LDLRAD3: variants seen among roughly 807,000 people sequenced by gnomAD.
The protein encoded by LDLRAD3 is low density lipoprotein receptor class A domain containing 3, also known as low-density lipoprotein receptor class A domain-containing protein 3.
LDLRAD3 carries 20 observed loss-of-function variants against 29.4 expected under a neutral mutation model. The observed-to-expected ratio is 0.68, with a 90% CI of 0.48 to 0.99. LDLRAD3 has a LOEUF of 0.99. Among genes scored for constraint, LDLRAD3 ranks in the 50% least tolerant of loss-of-function variants. The pLI, the probability that LDLRAD3 is intolerant of heterozygous loss-of-function variation, is 0.00. For synonymous variants in LDLRAD3, 157 were observed against 192.7 expected, an observed-to-expected ratio of 0.81 and a Z score of 1.53; for missense variants, 420 against 454.3, an observed-to-expected ratio of 0.92 and a Z score of 0.69.
At chr11:36,202,087 T>C (rs4755442) in intron 4 of LDLRAD3, among the ~76,000 whole-genome samples, 121,900 of 149,036 alleles carry the variant, frequency 0.82, 50,259 homozygotes, top group East Asian at 0.97. Flanking sequence ...TCTTCTCGCC[T>C]AGGCTGTAGT....
In LDLRAD3 at chr11:36,118,496, A is replaced by AGT. The variant is rs879322720; in HGVS notation, c.454+20051_454+20052dup. ...AAACAGAAGTGAGAAAGTAAGAGTG[A>AGT]GTGTGTGTGTGTGTGTGAGAGAGAG... On this transcript the variant is annotated intron_variant, in intron 4 of 5. Coordinates refer to ENST00000315571, the MANE Select transcript of LDLRAD3 (RefSeq NM_174902.4). Among the ~76,000 whole-genome samples the AGT allele has an allele frequency of 3.4e-3, 383 of 114,062 alleles. 3 individuals carry two copies. The highest frequency in any genetic ancestry group is 0.019 in the South Asian group (61 of 3,182). 74.8% of individuals were successfully genotyped at this position (114,062 alleles called of 152,430 possible).
intron 1 of LDLRAD3, among the ~76,000 whole-genome samples, chr11:35,964,178 A>G (rs1565127987): frequency 6.6e-6 from 1 of 152,194 alleles, no homozygotes; most frequent in Admixed American, 6.5e-5. Flanking sequence ...TCTACTAGGA[A>G]CACTCCTACT....
chr11:36,084,390 G>A (rs1219983525), intron 3 of LDLRAD3, among the ~76,000 whole-genome samples: 1 of 152,118 alleles, frequency 6.6e-6, no homozygotes, highest in Non-Finnish European at 1.5e-5. Flanking sequence ...AGTGTGAGGT[G>A]GGAGGATTAC....
chr11:36,068,759 A>G (rs1032613488), intron 2 of LDLRAD3, among the ~76,000 whole-genome samples: 1 of 152,058 alleles, frequency 6.6e-6, no homozygotes, highest in Non-Finnish European at 1.5e-5. Flanking sequence ...CTCGTGATCC[A>G]CCCACCTCAG....
Position 36,191,597 on chromosome 11 carries a change from TATAC to T in LDLRAD3, c.455-35486_455-35483del, listed in dbSNP as rs1248684512. ...CTCTCTATATATATATATATATATATATACACACACACACACACACACACACGCA... is the reference window on the plus strand; with the variant it reads ...CTCTCTATATATATATATATATATATACACACACACACACACACACACGCA... On this transcript the variant is annotated intron_variant, in intron 4 of 5. Transcript: ENST00000315571. 1.0e-3 allele frequency among the ~76,000 whole-genome samples: 103 copies of T among 101,324 alleles called. 2 individuals carry two copies. The highest frequency in any genetic ancestry group is 1.8e-3 in the South Asian group (5 of 2,764). 66.5% of individuals were successfully genotyped at this position (101,324 alleles called of 152,430 possible). A position where few individuals can be genotyped will look rare whatever the true frequency, so the allele number is the denominator to read the frequency against.
intron 4 of LDLRAD3, among the ~76,000 whole-genome samples, chr11:36,133,542 CTTTTCTT>C (rs1853959294): frequency 8.1e-6 from 1 of 122,800 alleles, no homozygotes; most frequent in Non-Finnish European, 1.7e-5. Flanking sequence ...TTTTCTTTTT[CTTTTCTT>C]TTTTTTTTTT....
At chr11:36,070,540 C>T (rs1218526060) in intron 2 of LDLRAD3, among the ~76,000 whole-genome samples, 2 of 152,168 alleles carry the variant, frequency 1.3e-5, no homozygotes, top group Admixed American at 1.3e-4. Context: ...GTAGGTCCCT[C>T]ATTGGCTGTG....
intron 1 of LDLRAD3, among the ~76,000 whole-genome samples, chr11:35,975,595 G>A (rs921788227): frequency 7.2e-5 from 11 of 152,132 alleles, no homozygotes; most frequent in Admixed American, 2.0e-4. Context: ...TGACCTGTAG[G>A]GGGTAGAGAA....
intron 4 of LDLRAD3, among the ~76,000 whole-genome samples, chr11:36,129,429 G>T (rs1853891810): frequency 6.6e-6 from 1 of 152,134 alleles, no homozygotes; most frequent in Non-Finnish European, 1.5e-5. Context: ...CAACCTAGAA[G>T]GCCAATATGA....
chr11:35,962,218 G>A (rs1204137589), intron 1 of LDLRAD3, among the ~76,000 whole-genome samples: 4 of 151,802 alleles, frequency 2.6e-5, no homozygotes, highest in Non-Finnish European at 4.4e-5. Flanking sequence ...AAATCCTCAC[G>A]TTTTTGGAGT....
intron 1 of LDLRAD3, among the ~76,000 whole-genome samples, chr11:35,946,490 G>A (rs1224387917): frequency 6.6e-6 from 1 of 152,150 alleles, no homozygotes; most frequent in East Asian, 1.9e-4. Context: ...ATTTGTGTTA[G>A]GGAAGTGAAG....
At chr11:36,179,385 A>T (rs1320862361) in intron 4 of LDLRAD3, among the ~76,000 whole-genome samples, 1 of 151,992 alleles carries the variant, frequency 6.6e-6, no homozygotes, top group African/African-American at 2.4e-5. Context: ...GAGGTAGGAG[A>T]ATCACTTGAA....
At chr11:36,176,607 A>C (rs770952645) in intron 4 of LDLRAD3, among the ~76,000 whole-genome samples, 18 of 152,186 alleles carry the variant, frequency 1.2e-4, no homozygotes, top group Admixed American at 2.0e-4. Context: ...TTCTTGGCTG[A>C]TAATTGTTTT....
At chr11:36,017,463 C>T (rs1433988347) in intron 1 of LDLRAD3, among the ~76,000 whole-genome samples, 1 of 152,034 alleles carries the variant, frequency 6.6e-6, no homozygotes, top group East Asian at 1.9e-4. Context: ...GGACTACTTT[C>T]ACCTCTTGGT....
intron 2 of LDLRAD3, among the ~76,000 whole-genome samples, chr11:36,059,390 C>T (rs929385826): frequency 1.3e-5 from 2 of 151,430 alleles, no homozygotes; most frequent in Non-Finnish European, 2.9e-5. Flanking sequence ...GGTCACTCCC[C>T]TGTAATGACT....
intron 4 of LDLRAD3, among the ~76,000 whole-genome samples, chr11:36,113,267 T>G (rs777557425): frequency 2.0e-5 from 3 of 152,046 alleles, no homozygotes; most frequent in Non-Finnish European, 2.9e-5. Context: ...GGTTATGGCT[T>G]AATAAGTGCC....
chr11:35,950,511 G>A (rs1036825989), intron 1 of LDLRAD3, among the ~76,000 whole-genome samples: 7 of 152,152 alleles, frequency 4.6e-5, no homozygotes, highest in Non-Finnish European at 1.0e-4. Flanking sequence ...CAGTATATAT[G>A]TGTATGTGTG....
chr11:36,222,586 G>A (rs1037518741), intron 4 of LDLRAD3, among the ~76,000 whole-genome samples: 10 of 152,012 alleles, frequency 6.6e-5, no homozygotes, highest in African/African-American at 1.7e-4. Flanking sequence ...AATGGTATCC[G>A]GTAGGAAATT....
At chr11:36,014,490 G>A (rs918997513) in intron 1 of LDLRAD3, among the ~76,000 whole-genome samples, 1 of 152,198 alleles carries the variant, frequency 6.6e-6, no homozygotes, top group Admixed American at 6.5e-5. Context: ...TGATGGTAAC[G>A]CCTGGAGTGC....
Sources: gnomAD v4.1 joint callset for allele counts (sites outside exome capture counted in the v4.1 genomes callset) on GRCh38, gnomAD v4.1.1 for gene constraint, MANE v1.5 for transcripts, NCBI Gene and HGNC (gene_info 2026-07-23, HGNC 2026-07-21) for gene names.